Variants in CFAP251 observed in about 807,000 individuals in gnomAD.
CFAP251 encodes the protein cilia- and flagella-associated protein 251.
CFAP251 carries 93 observed loss-of-function variants against 126.7 expected under a neutral mutation model. The ratio of observed to expected loss-of-function variants is 0.73; its 90% confidence interval spans 0.62 to 0.87. The LOEUF (loss-of-function observed/expected upper bound fraction) is 0.87, where lower values mean the gene tolerates loss of function less well. Ranked by LOEUF, CFAP251 falls within the 40% of genes least tolerant of loss-of-function variation. CFAP251 has a pLI of 0.00. For synonymous variants in CFAP251, 503 were observed against 506.9 expected, an observed-to-expected ratio of 0.99 and a Z score of 0.10; for missense variants, 1,287 against 1,389.2, an observed-to-expected ratio of 0.93 and a Z score of 1.17.
intron 1 of CFAP251, 142 bp from the exon 2 acceptor site, chr12:121,921,144 T>TG: frequency 1.0e-6 from 1 of 961,450 alleles, no homozygotes; most frequent in East Asian, 2.8e-5. Flanking sequence ...CCACCGTGCC[T>TG]GGTCAGAAAC....
At chr12:121,966,190 T>TCCC (rs1882122656) in intron 15 of CFAP251, among the ~76,000 whole-genome samples, 1 of 2,996 alleles carries the variant, frequency 3.3e-4, no homozygotes, top group Non-Finnish European at 8.3e-4. Flanking sequence ...TCCCCTCCCC[T>TCCC]CTCCTTCCCT....
At chr12:122,000,084 T>A in intron 20 of CFAP251, 140 bp downstream of exon 20, 2 of 732,042 alleles carry the variant, frequency 2.7e-6, no homozygotes, top group Non-Finnish European at 2.2e-6. Context: ...ATGAGGGGTC[T>A]GGCTGACCCA....
At chr12:121,980,320 C>T (rs1312515076) in intron 19 of CFAP251, among the ~76,000 whole-genome samples, 1 of 152,146 alleles carries the variant, frequency 6.6e-6, no homozygotes, top group African/African-American at 2.4e-5. Flanking sequence ...GCAGCAGTCG[C>T]ACCCAGGACC....
Position 121,923,490 on chromosome 12 carries a change from GCCTCTTTTAAAAAACA to G in CFAP251, c.379-131_379-116del, listed in dbSNP as rs1880275313. On this transcript the variant is annotated intron_variant, in intron 2 of 21. Transcript: ENST00000288912. ...TGTTTTTTAAGTACAAAATGTTCCA[GCCTCTTTTAAAAAACA>G]TTTCATAATTCCTAGGTGAGGCTAA... The G allele has an allele frequency of 2.5e-6, 3 of 1,221,368 alleles. No individual in the cohort carries two copies. The African/African-American group carries it at 4.6e-5, about 19-fold the overall frequency. The allele number at this position is 1,221,368 out of a possible 1,614,324, so 75.7% of individuals were successfully genotyped here.
At chr12:121,924,105 A>T in intron 3 of CFAP251, 115 bp downstream of exon 3, 1 of 1,293,796 alleles carries the variant, frequency 7.7e-7, no homozygotes, top group Non-Finnish European at 1.0e-6. Flanking sequence ...TTTTAAACTA[A>T]TAATAGACTT....
chr12:121,979,563 CTTTTTTT>C (rs71082922), intron 19 of CFAP251, among the ~76,000 whole-genome samples: 4 of 84,978 alleles, frequency 4.7e-5, no homozygotes, highest in African/African-American at 1.3e-4. Context: ...CTTTCTTCTT[CTTTTTTT>C]TTTTTTTTTT....
chr12:121,977,974 A>C (rs1882510927), intron 19 of CFAP251, among the ~76,000 whole-genome samples: 1 of 151,592 alleles, frequency 6.6e-6, no homozygotes, highest in Non-Finnish European at 1.5e-5. Flanking sequence ...AATAAAAATA[A>C]ATAAATAAAT....
chr12:121,976,011 CTTTT>C (rs1162987520), intron 19 of CFAP251, among the ~76,000 whole-genome samples: 1 of 139,738 alleles, frequency 7.2e-6, no homozygotes. Flanking sequence ...GGATTTTTTT[CTTTT>C]TTTTTTTTTT....
intron 15 of CFAP251, among the ~76,000 whole-genome samples, chr12:121,965,807 CCTT>C (rs150489611): frequency 2.6e-5 from 3 of 116,500 alleles, no homozygotes; most frequent in Admixed American, 8.3e-5. Flanking sequence ...TAGATTTTCT[CCTT>C]CTTCTTCTTC....
intron 4 of CFAP251, 74 bp downstream of exon 4, chr12:121,931,960 A>C: frequency 5.1e-5 from 69 of 1,341,222 alleles, no homozygotes; most frequent in Non-Finnish European, 6.3e-5. Context: ...TTTGTATCTC[A>C]AGGGCTGACT....
intron 8 of CFAP251, 34 bp from the exon 9 acceptor site, chr12:121,951,446 T>C: frequency 6.9e-7 from 1 of 1,450,328 alleles, no homozygotes; most frequent in Non-Finnish European, 9.5e-7. Context: ...AAACTGGGTC[T>C]TTTTGAGTAG....
In CFAP251 at chr12:121,921,406, A is replaced by G; in HGVS notation, c.101A>G (p.Glu34Gly). ...EEPNPNYKEV[E>G]DPQQESKDDT... ...CCTAATCCAAATTATAAAGAAGTAG[A>G]AGATCCACAACAGGAATCAAAAGAT... The change falls in exon 2 of 22, where the codon GAA becomes GGA. Residue 34 changes from glutamate to glycine, a missense_variant. Glu to Gly is a moderately conservative substitution (Grantham distance 98). Coordinates refer to ENST00000288912, the MANE Select transcript of CFAP251 (RefSeq NM_144668.6). The G allele has an allele frequency of 6.2e-7, 1 of 1,614,066 alleles. No individual in the cohort carries two copies. The highest frequency in any genetic ancestry group is 8.5e-7 in the Non-Finnish European group (1 of 1,180,030).
chr12:122,001,675 C>G (rs1007225930), intron 21 of CFAP251, 77 bp downstream of exon 21: 126 of 1,135,962 alleles, frequency 1.1e-4, no homozygotes, highest in Non-Finnish European at 1.7e-4. Context: ...TTTATTTCTC[C>G]TGATCGGTGC....
chr12:121,954,793 G>T lies in CFAP251; in HGVS notation c.1535+459G>T, dbSNP rs549954452. 2.6e-5 allele frequency among the ~76,000 whole-genome samples: 4 copies of T among 151,884 alleles called. No homozygotes were observed. In the South Asian group the frequency reaches 8.3e-4, roughly 32 times the overall value. ...AGAACTAAGATCAGGGATGGGGGTGGATTTACTTCTTTTTATAGTTCCATT... is the reference window on the plus strand; with the variant it reads ...AGAACTAAGATCAGGGATGGGGGTGTATTTACTTCTTTTTATAGTTCCATT... On this transcript the variant is annotated intron_variant, in intron 10 of 21. Coordinates refer to ENST00000288912, the MANE Select transcript of CFAP251 (RefSeq NM_144668.6).
At chr12:121,990,855 C>A (rs1379323036) in intron 19 of CFAP251, among the ~76,000 whole-genome samples, 1 of 152,216 alleles carries the variant, frequency 6.6e-6, no homozygotes, top group Non-Finnish European at 1.5e-5. Context: ...GCGATGGAGC[C>A]TGTTAGTTCG....
Position 121,923,708 on chromosome 12 carries a change from A to T in CFAP251, c.465A>T (p.Gln155His). 1 of 1,614,188 alleles carries T rather than the reference A, an allele frequency of 6.2e-7. No homozygotes were observed. The highest frequency in any genetic ancestry group is 8.5e-7 in the Non-Finnish European group (1 of 1,180,040). The change falls in exon 3 of 22, where the codon CAA (glutamine) becomes CAT (histidine). Residue 155 changes from glutamine (Q) to histidine (H), a missense_variant. Coordinates refer to ENST00000288912, the MANE Select transcript of CFAP251 (RefSeq NM_144668.6). ...AGCTTTTAAGAGACCTGAGCACACA[A>T]ATTGAATTTCTTGATTTGGATCAAA... ...TDELLRDLST[Q>H]IEFLDLDQIS...
intron 17 of CFAP251, chr12:121,971,719 A>G (rs1882333024): frequency 1.5e-6 from 1 of 673,174 alleles, no homozygotes; most frequent in Admixed American, 2.2e-5. Flanking sequence ...CATTCATTAC[A>G]GGAGGAAAAT....
intron 3 of CFAP251, among the ~76,000 whole-genome samples, chr12:121,930,127 T>C (rs1880621715): frequency 2.0e-5 from 3 of 152,184 alleles, no homozygotes; most frequent in South Asian, 4.2e-4. Context: ...TGTTAGCCCT[T>C]TTTTTTTCCT....
At chr12:121,992,132 C>T (rs1200023280) in intron 19 of CFAP251, 10 of 867,644 alleles carry the variant, frequency 1.2e-5, no homozygotes, top group African/African-American at 3.6e-5. Context: ...ACCACCAGTG[C>T]GTCTGGGCCG....
Sources: allele counts gnomAD v4.1 joint callset (sites outside exome capture counted in the v4.1 genomes callset), GRCh38; gene constraint gnomAD v4.1.1; transcripts MANE v1.5; gene names NCBI Gene and HGNC (gene_info 2026-07-23, HGNC 2026-07-21).